ELAVL2: variants seen among roughly 807,000 people sequenced by gnomAD.
ELAVL2 encodes the protein ELAV like RNA binding protein 2.
In ELAVL2, 4 loss-of-function variants were observed where a neutral mutation model predicts 34.6. The ratio of observed to expected loss-of-function variants is 0.12; its 90% CI spans 0.06 to 0.26. ELAVL2 has a LOEUF of 0.26. Among genes scored for constraint, ELAVL2 ranks in the 10% least tolerant of loss-of-function variants. The pLI is 1.00. For missense variants in ELAVL2, 432 were observed against 442.8 expected (o/e 0.98, Z 0.22); for synonymous variants, 193 against 154.8 (o/e 1.25, Z -1.83).
intron 1 of ELAVL2, among the ~76,000 whole-genome samples, chr9:23,799,510 G>C (rs1036244381): frequency 6.6e-6 from 1 of 152,218 alleles, no homozygotes; most frequent in African/African-American, 2.4e-5. Context: ...AGAGTTTTGA[G>C]GGCCTACAAT....
intron 2 of ELAVL2, among the ~76,000 whole-genome samples, chr9:23,737,630 G>C (rs2048204950): frequency 1.3e-5 from 2 of 152,170 alleles, no homozygotes; most frequent in Non-Finnish European, 2.9e-5. Flanking sequence ...AAAATGCAGA[G>C]TGAATTCTGT....
At chr9:23,695,010 G>A (rs571360333) in intron 5 of ELAVL2, among the ~76,000 whole-genome samples, 257 of 152,302 alleles carry the variant, frequency 1.7e-3, no homozygotes, top group Non-Finnish European at 2.8e-3. Context: ...GGTCAACTTA[G>A]TCCAGAATGA....
intron 3 of ELAVL2, among the ~76,000 whole-genome samples, chr9:23,718,420 G>A (rs2042850580): frequency 6.6e-6 from 1 of 152,112 alleles, no homozygotes; most frequent in Admixed American, 6.6e-5. Flanking sequence ...TAGGAAGCCA[G>A]CTCACTTTCT....
intron 1 of ELAVL2, among the ~76,000 whole-genome samples, chr9:23,791,517 A>G (rs2060316987): frequency 6.6e-6 from 1 of 152,236 alleles, no homozygotes; most frequent in Non-Finnish European, 1.5e-5. Flanking sequence ...AAGTAACTAC[A>G]CAACCACTCT....
intron 2 of ELAVL2, among the ~76,000 whole-genome samples, chr9:23,744,123 G>T (rs2049938848): frequency 6.6e-6 from 1 of 152,136 alleles, no homozygotes; most frequent in African/African-American, 2.4e-5. Flanking sequence ...ATGAATTTGA[G>T]ATTGGGATCT....
intron 3 of ELAVL2, among the ~76,000 whole-genome samples, chr9:23,706,423 G>A (rs756758801): frequency 1.3e-5 from 2 of 152,060 alleles, no homozygotes; most frequent in East Asian, 1.9e-4. Flanking sequence ...GATCCACAAC[G>A]GCTTACTGAA....
intron 3 of ELAVL2, among the ~76,000 whole-genome samples, chr9:23,714,649 G>C (rs1391537380): frequency 1.3e-5 from 2 of 152,108 alleles, no homozygotes; most frequent in Admixed American, 1.3e-4. Flanking sequence ...AACGTAAAAT[G>C]AGCGATTCTT....
rs543031756 is a variant in ELAVL2 at position 23,813,647 on chromosome 9, G to C, written c.-16+12159C>G. Among the ~76,000 whole-genome samples the C allele has an allele frequency of 6.6e-5, 10 of 152,230 alleles. No individual in the cohort carries two copies. In the South Asian group the frequency reaches 8.3e-4, roughly 13 times the overall value. ...AATGGGGACAGTTCTAAAATCCCAG[G>C]GGGGGAGGAGAGAAAAGGTAAGTTA... is the stretch of plus-strand genomic sequence containing the variant. On this transcript the variant is annotated intron_variant, in intron 1 of 6. Coordinates refer to ENST00000397312, the MANE Select transcript of ELAVL2 (RefSeq NM_004432.5).
intron 1 of ELAVL2, among the ~76,000 whole-genome samples, chr9:23,802,395 G>A (rs558927926): frequency 1.3e-5 from 2 of 152,316 alleles, no homozygotes; most frequent in Admixed American, 1.3e-4. Context: ...TCTAGTGATA[G>A]AATTTGCTAG....
chr9:23,753,983 T>C (rs1430138687), intron 2 of ELAVL2, among the ~76,000 whole-genome samples: 5 of 152,094 alleles, frequency 3.3e-5, no homozygotes, highest in Non-Finnish European at 7.4e-5. Flanking sequence ...GTAAGGCAAA[T>C]ACGGCTATTC....
Position 23,778,573 on chromosome 9 carries a change from C to T in ELAVL2, c.-15-16324G>A, listed in dbSNP as rs1351343431. Among the ~76,000 whole-genome samples the T allele has an allele frequency of 5.3e-5, 8 of 152,108 alleles. No individual in the cohort carries two copies. The East Asian group carries it at 1.5e-3, about 29-fold the overall frequency. ...CTCTCCCAATACAGCCTTAATGTTC[C>T]GGCCCCTGCAAGGGCTGGATTTTAA... is the stretch of plus-strand genomic sequence containing the variant. On this transcript the variant is annotated intron_variant, in intron 1 of 6. Transcript: ENST00000397312.
chr9:23,765,513 T>C (rs9298850), intron 1 of ELAVL2, among the ~76,000 whole-genome samples: 94,105 of 151,882 alleles, frequency 0.62, 30,632 homozygotes, highest in African/African-American at 0.81. Context: ...TCCTAAGTGA[T>C]TGGTTTGCAT....
intron 3 of ELAVL2, among the ~76,000 whole-genome samples, chr9:23,719,856 G>C (rs969735075): frequency 9.2e-6 from 1 of 108,802 alleles, no homozygotes; most frequent in African/African-American, 3.4e-5. Flanking sequence ...TGGGAGTTTT[G>C]CTCTTGTTGC....
chr9:23,728,192 TA>T, intron 3 of ELAVL2, among the ~76,000 whole-genome samples: 1 of 152,144 alleles, frequency 6.6e-6, no homozygotes, highest in Non-Finnish European at 1.5e-5. Flanking sequence ...GGTCCCCCTG[TA>T]ATTCCAAAAC....
chr9:23,837,555 G>A, the ELAVL2 span, among the ~76,000 whole-genome samples: 1 of 152,158 alleles, frequency 6.6e-6, no homozygotes, highest in Non-Finnish European at 1.5e-5. Flanking sequence ...AGGAAGTTAA[G>A]TAATTTGCCC....
At chr9:23,776,399 A>C (rs1392821962) in intron 1 of ELAVL2, among the ~76,000 whole-genome samples, 1 of 152,124 alleles carries the variant, frequency 6.6e-6, no homozygotes, top group Non-Finnish European at 1.5e-5. Context: ...CAATCTCATC[A>C]CCAATGTGTA....
intron 3 of ELAVL2, among the ~76,000 whole-genome samples, chr9:23,729,297 A>G (rs1457675411): frequency 1.3e-5 from 2 of 152,200 alleles, no homozygotes; most frequent in East Asian, 3.9e-4. Flanking sequence ...ACTACAACTC[A>G]GGACCTCAGA....
chr9:23,711,122 A>G (rs1302892284), intron 3 of ELAVL2, among the ~76,000 whole-genome samples: 3 of 152,226 alleles, frequency 2.0e-5, no homozygotes, highest in Non-Finnish European at 4.4e-5. Flanking sequence ...TAAGATAACA[A>G]TAAGAAATTA....
At chr9:23,825,368 G>T (rs2065234760) in intron 1 of ELAVL2, among the ~76,000 whole-genome samples, 1 of 152,104 alleles carries the variant, frequency 6.6e-6, no homozygotes, top group Admixed American at 6.6e-5. Context: ...TGTGGTTTTC[G>T]CTGGTCTAAT....
Sources: allele counts gnomAD v4.1 joint callset (sites outside exome capture counted in the v4.1 genomes callset), GRCh38; gene constraint gnomAD v4.1.1; transcripts MANE v1.5; gene names NCBI Gene and HGNC (gene_info 2026-07-23, HGNC 2026-07-21).